Variants in CRYBA4 observed in about 807,000 individuals in gnomAD.
The protein encoded by CRYBA4 is crystallin beta A4, also known as beta-crystallin A4.
In CRYBA4, 30 loss-of-function variants were observed where a neutral mutation model predicts 31.7. The observed-to-expected ratio is 0.95, with a 90% CI of 0.71 to 1.28. The LOEUF (loss-of-function observed/expected upper bound fraction) is 1.28. Among genes scored for constraint, CRYBA4 ranks in the 50% most tolerant of loss-of-function variants. The pLI is 0.00. For missense variants in CRYBA4, 225 were observed against 260.7 expected (o/e 0.86, Z 0.94); for synonymous variants, 102 against 102.3 (o/e 1.00, Z 0.02).
chr22:26,623,311 T>C lies in CRYBA4; in HGVS notation c.117T>C (p.Leu39=). The part of the protein sequence containing the change: ...FTAECPSVLE[L]GFETVRSLKV... ...CCGAGTGCCCCAGCGTGCTGGAGCT[T>C]GGCTTCGAGACTGTGCGATCTTTGA... Residue 39 remains leucine (L), a synonymous_variant, in exon 3 of 6, where the codon CTT becomes CTC. Coordinates refer to ENST00000354760, the MANE Select transcript of CRYBA4 (RefSeq NM_001886.3). 1 of 1,614,094 alleles carries C rather than the reference T, an allele frequency of 6.2e-7. No individual in the cohort carries two copies. The highest frequency in any genetic ancestry group is 8.5e-7 in the Non-Finnish European group (1 of 1,180,014).
chr22:26,619,699 G>T (rs187897972), upstream of CRYBA4, among the ~76,000 whole-genome samples: 43 of 152,324 alleles, frequency 2.8e-4, 1 homozygote, highest in East Asian at 7.7e-3. Flanking sequence ...AGACTTGGTG[G>T]GTGGGGTGTG....
the CRYBA4 span, chr22:26,601,794 G>C: frequency 6.3e-7 from 1 of 1,599,296 alleles, no homozygotes; most frequent in Non-Finnish European, 8.5e-7. Context: ...CTAGGAATCT[G>C]ATGTTATAAC....
chr22:26,610,881 C>T, the CRYBA4 span, among the ~76,000 whole-genome samples: 1 of 152,122 alleles, frequency 6.6e-6, no homozygotes, highest in African/African-American at 2.4e-5. Context: ...GCTTGTCTGA[C>T]CTCAAAGCTC....
At chr22:26,597,045 A>G in the CRYBA4 span, among the ~76,000 whole-genome samples, 2 of 152,122 alleles carry the variant, frequency 1.3e-5, no homozygotes, top group Admixed American at 6.6e-5. Context: ...GCTGGCCAAG[A>G]GTGTTGAGGT....
chr22:26,630,296 C>T, intron 5 of CRYBA4, 44 bp from the exon 6 acceptor site: 1 of 1,612,888 alleles, frequency 6.2e-7, no homozygotes, highest in Non-Finnish European at 8.5e-7. Flanking sequence ...GATCACCATG[C>T]TGGTGTCTCT....
the CRYBA4 span, among the ~76,000 whole-genome samples, chr22:26,603,138 A>AAAAAAAC: frequency 8.7e-5 from 13 of 148,818 alleles, no homozygotes; most frequent in South Asian, 4.2e-4. Flanking sequence ...AAAAAAAAAA[A>AAAAAAAC]AAAAAACAAA....
chr22:26,607,579 AG>A, the CRYBA4 span, among the ~76,000 whole-genome samples: 1 of 146,196 alleles, frequency 6.8e-6, no homozygotes, highest in African/African-American at 2.5e-5. Context: ...AAAAAAAAAA[AG>A]CTCCCAGTAA....
chr22:26,598,044 G>A, the CRYBA4 span, among the ~76,000 whole-genome samples: 3 of 152,128 alleles, frequency 2.0e-5, no homozygotes, highest in South Asian at 2.1e-4. Context: ...CACCACAGCC[G>A]GCTAATTTTT....
rs1186946595 is a variant in CRYBA4 at position 26,625,420 on chromosome 22, G to C, written c.159-61G>C. 4.4e-6 allele frequency: 7 copies of C among 1,592,362 alleles called. No individual in the cohort carries two copies. In the Admixed American group the frequency reaches 6.7e-5, roughly 15 times the overall value. On this transcript the variant is annotated intron_variant, in intron 3 of 5. Coordinates refer to ENST00000354760, the MANE Select transcript of CRYBA4 (RefSeq NM_001886.3). ...TGTGACCGTTCTAGACCCAATTGCT[G>C]GTCTAGAATGCAGGGTGAGGGGGAC...
At chr22:26,601,463 T>C in the CRYBA4 span, among the ~76,000 whole-genome samples, 1 of 151,828 alleles carries the variant, frequency 6.6e-6, no homozygotes, top group Non-Finnish European at 1.5e-5. Context: ...GTCAGGGCCA[T>C]CTTATGATGC....
chr22:26,592,454 G>T, the CRYBA4 span, among the ~76,000 whole-genome samples: 6 of 152,342 alleles, frequency 3.9e-5, no homozygotes, highest in East Asian at 1.2e-3. Flanking sequence ...GGAGGGCCAG[G>T]CGTGTGTATA....
the CRYBA4 span, among the ~76,000 whole-genome samples, chr22:26,598,172 C>T: frequency 1.3e-5 from 2 of 152,140 alleles, no homozygotes; most frequent in Non-Finnish European, 2.9e-5. Flanking sequence ...CGTGAGCCAC[C>T]GCACCCGGTC....
the CRYBA4 span, among the ~76,000 whole-genome samples, chr22:26,608,187 C>G: frequency 2.6e-5 from 4 of 152,230 alleles, no homozygotes; most frequent in African/African-American, 9.6e-5. Context: ...CTGACACTTA[C>G]AGGCTGTGTG....
chr22:26,628,164 C>T (rs973399369), intron 4 of CRYBA4, 124 bp from the exon 5 acceptor site: 21 of 1,396,382 alleles, frequency 1.5e-5, no homozygotes, highest in Non-Finnish European at 2.0e-5. Flanking sequence ...CCTTATTGCC[C>T]TTCCAAAAGG....
At chr22:26,603,720 A>G in the CRYBA4 span, among the ~76,000 whole-genome samples, 1 of 151,592 alleles carries the variant, frequency 6.6e-6, no homozygotes, top group Non-Finnish European at 1.5e-5. Flanking sequence ...CCTGACTAAC[A>G]TGGAGAAACC....
At chr22:26,627,992 A>C (rs1929804621) in intron 4 of CRYBA4, among the ~76,000 whole-genome samples, 1 of 152,124 alleles carries the variant, frequency 6.6e-6, no homozygotes, top group African/African-American at 2.4e-5. Context: ...TCAGCTTACC[A>C]CTGGATCCCC....
At chr22:26,593,448 G>A in the CRYBA4 span, among the ~76,000 whole-genome samples, 2 of 151,838 alleles carry the variant, frequency 1.3e-5, no homozygotes, top group African/African-American at 4.8e-5. Context: ...GACCAGCCTG[G>A]GCAACATGGT....
At chr22:26,619,836 C>A (rs370454804), upstream of CRYBA4, among the ~76,000 whole-genome samples, 2 of 152,240 alleles carry the variant, frequency 1.3e-5, no homozygotes, top group East Asian at 3.9e-4. Flanking sequence ...CCTAAAGCCC[C>A]AGGAATGGGC....
At chr22:26,626,424 A>G (rs560741468) in intron 4 of CRYBA4, among the ~76,000 whole-genome samples, 1 of 152,318 alleles carries the variant, frequency 6.6e-6, no homozygotes, top group South Asian at 2.1e-4. Flanking sequence ...AAAACAAAAA[A>G]ACAAAAACAA....
Sources: allele counts gnomAD v4.1 joint callset (sites outside exome capture counted in the v4.1 genomes callset), GRCh38; gene constraint gnomAD v4.1.1; transcripts MANE v1.5; gene names NCBI Gene and HGNC (gene_info 2026-07-23, HGNC 2026-07-21).